SPRY4: variants seen among roughly 807,000 people sequenced by gnomAD.
SPRY4 encodes protein sprouty homolog 4.
Under a neutral mutation model 17.0 loss-of-function variants are expected in SPRY4, and 7 were observed. The ratio of observed to expected loss-of-function variants is 0.41; its 90% CI spans 0.23 to 0.77. SPRY4 has a LOEUF of 0.77. Among genes scored for constraint, SPRY4 ranks in the 30% least tolerant of loss-of-function variants. The probability of loss-of-function intolerance (pLI) is 0.32; values close to 1 mark genes in which losing one functional copy is unlikely to be tolerated. For missense variants in SPRY4, 435 were observed against 419.9 expected (o/e 1.04, Z -0.31); for synonymous variants, 183 against 174.1 (o/e 1.05, Z -0.40).
rs75645175 is a variant in SPRY4 at position 142,314,166 on chromosome 5, A to G, written c.*43T>C. 2 of 1,560,644 alleles carry G rather than the reference A, an allele frequency of 1.3e-6. No homozygotes were observed. Among genetic ancestry groups the G allele is most frequent in the African/African-American group, 1.3e-5 (1 of 74,374 alleles). ...GCAGTCTTCTTAGATGTCAGAAGAG[A>G]ACCAGGTTTCCAGGCAGAGCACTGG... On this transcript the variant is annotated 3_prime_UTR_variant, in exon 2 of 2. Transcript: ENST00000434127. The surrounding 1 kb of genome is among the most constrained non-coding windows in gnomAD (Gnocchi z 4.8).
At chr5:142,319,058 G>A (rs755490344) in intron 1 of SPRY4, among the ~76,000 whole-genome samples, 2 of 152,134 alleles carry the variant, frequency 1.3e-5, no homozygotes, top group Non-Finnish European at 2.9e-5. Context: ...AGCAGGATTT[G>A]AACCAAGACA....
intron 1 of SPRY4, chr5:142,319,751 G>A (rs76855889): frequency 1.2e-6 from 2 of 1,612,650 alleles, no homozygotes; most frequent in Non-Finnish European, 1.7e-6. Flanking sequence ...TACCTGTGGG[G>A]AGGGGGCTGA....
chr5:142,318,376 C>T (rs2126995315), intron 1 of SPRY4, among the ~76,000 whole-genome samples: 1 of 151,900 alleles, frequency 6.6e-6, no homozygotes, highest in East Asian at 1.9e-4. Context: ...ATCCCAGTTA[C>T]TTGGGAGGCT....
intron 1 of SPRY4, chr5:142,317,904 A>T: frequency 1.0e-6 from 1 of 985,368 alleles, no homozygotes; most frequent in Non-Finnish European, 1.2e-6. Flanking sequence ...GCCCACGATG[A>T]CTTGGCTCTC....
At position 142,314,172 on chromosome 5, in the gene SPRY4, G is replaced by C; in HGVS notation, c.*37C>G. On this transcript the variant is annotated 3_prime_UTR_variant, in exon 2 of 2. Transcript: ENST00000434127. The surrounding 1 kb of genome is among the most constrained non-coding windows in gnomAD (Gnocchi z 4.8). ...TTCTTAGATGTCAGAAGAGAACCAG[G>C]TTTCCAGGCAGAGCACTGGGGCTTC... 1.9e-6 allele frequency: 3 copies of C among 1,567,814 alleles called. No homozygotes were observed. The highest frequency in any genetic ancestry group is 2.6e-6 in the Non-Finnish European group (3 of 1,159,258).
chr5:142,318,857 T>C (rs952758851), intron 1 of SPRY4, among the ~76,000 whole-genome samples: 1 of 152,118 alleles, frequency 6.6e-6, no homozygotes, highest in South Asian at 2.1e-4. Flanking sequence ...CTAATAATAA[T>C]AAATAATAAT....
Position 142,312,653 on chromosome 5 carries a change from T to TA in SPRY4, c.*1555dup, listed in dbSNP as rs1222935419. 6.6e-6 allele frequency: 1 copy of TA among 152,124 alleles called. No individual in the cohort carries two copies. Among genetic ancestry groups the TA allele is most frequent in the Non-Finnish European group, 1.5e-5 (1 of 68,050 alleles). 9.4% of individuals were successfully genotyped at this position (152,124 alleles called of 1,614,324 possible). ...TCTGACTCAGGCCATGCCCTCTCAT[T>TA]AGAGGGGAAAACAAAATACCACACA... On this transcript the variant is annotated 3_prime_UTR_variant, in exon 2 of 2. Transcript: ENST00000434127.
chr5:142,316,213 G>C (rs141270026), intron 1 of SPRY4, among the ~76,000 whole-genome samples: 1 of 152,228 alleles, frequency 6.6e-6, no homozygotes, highest in Non-Finnish European at 1.5e-5. Flanking sequence ...TTCACCGAGA[G>C]AGTGCAATTT....
intron 1 of SPRY4, chr5:142,319,718 C>A (rs1486268298): frequency 1.2e-6 from 2 of 1,609,018 alleles, no homozygotes; most frequent in African/African-American, 2.7e-5. Flanking sequence ...CAGAACCAGC[C>A]AGTCTGACAC....
rs1759021062 is a variant in SPRY4, at chr5:142,313,836, CGGAG to C, written c.*369_*372del. On this transcript the variant is annotated 3_prime_UTR_variant, in exon 2 of 2. Coordinates refer to ENST00000434127, the MANE Select transcript of SPRY4 (RefSeq NM_001127496.3). The stretch of plus-strand genomic sequence containing the variant: ...ATGGAAAAGAGGAAGGGGGGGGGGG[CGGAG>C]GGAGGGAGGGAGAAGGAGGGGCTGG... The C allele has an allele frequency of 3.9e-3, 140 of 35,612 alleles. No individual in the cohort carries two copies. The highest frequency in any genetic ancestry group is 6.5e-3 in the East Asian group (15 of 2,294). The allele number at this position is 35,612 out of a possible 1,614,324, so 2.2% of individuals were successfully genotyped here.
At chr5:142,322,894 T>C (rs1561654853) in intron 1 of SPRY4, among the ~76,000 whole-genome samples, 4 of 152,082 alleles carry the variant, frequency 2.6e-5, no homozygotes, top group African/African-American at 7.2e-5. Flanking sequence ...GTGAGAACCC[T>C]CCCAAGAGAT....
rs1387031122 is a variant in SPRY4 at position 142,314,978 on chromosome 5, T to A, written c.131A>T (p.Lys44Met). ...GTAGTCATTCTCCACATGGCTGGTC[T>A]TCACCTGGTCAATGGGTAGGATGGT... is the stretch of plus-strand genomic sequence containing the variant. ...PLTILPIDQV[K>M]TSHVENDYID... is the part of the protein sequence containing the mutation. Residue 44 changes from lysine (K) to methionine (M), a missense_variant, in exon 2 of 2, where the codon AAG becomes ATG. Lys to Met is a moderately conservative substitution (Grantham distance 95, BLOSUM62 -1). Coordinates refer to ENST00000434127, the MANE Select transcript of SPRY4 (RefSeq NM_001127496.3). This position sits in a 1 kb window ranked among gnomAD's most constrained non-coding sequence, Gnocchi z 4.8. 4 of 1,614,034 alleles carry A rather than the reference T, an allele frequency of 2.5e-6. No homozygotes were observed. Among genetic ancestry groups the A allele is most frequent in the Non-Finnish European group, 3.4e-6 (4 of 1,180,028 alleles).
intron 1 of SPRY4, among the ~76,000 whole-genome samples, chr5:142,316,064 G>T (rs1403289171): frequency 1.3e-5 from 2 of 152,120 alleles, no homozygotes; most frequent in African/African-American, 2.4e-5. Flanking sequence ...TAATCCCTGG[G>T]TATGTGAGCT....
At chr5:142,316,103 G>C (rs754215553) in intron 1 of SPRY4, among the ~76,000 whole-genome samples, 1 of 152,078 alleles carries the variant, frequency 6.6e-6, no homozygotes, top group Non-Finnish European at 1.5e-5. Flanking sequence ...AAATCCTCTC[G>C]AGGGGCACTC....
chr5:142,318,218 C>G lies in SPRY4; in HGVS notation c.-47-3063G>C, dbSNP rs1759225551. 6.1e-6 allele frequency: 6 copies of G among 978,208 alleles called. No individual in the cohort carries two copies. In the South Asian group the frequency reaches 2.4e-4, roughly 39 times the overall value. The allele number at this position is 978,208 out of a possible 1,614,324, so 60.6% of individuals were successfully genotyped here. ...AAAGAAAGAAGGCCTGGCGCAGTGG[C>G]TCATGCCTGTAATCTCAGCCTTTTG... On this transcript the variant is annotated intron_variant, in intron 1 of 1. Transcript: ENST00000434127.
Position 142,314,110 on chromosome 5 carries a change from G to A in SPRY4, c.*99C>T, listed in dbSNP as rs889227396. The A allele has an allele frequency of 1.1e-4, 146 of 1,331,318 alleles. No individual in the cohort carries two copies. Among genetic ancestry groups the A allele is most frequent in the Non-Finnish European group, 1.4e-4 (138 of 988,096 alleles). The allele number at this position is 1,331,318 out of a possible 1,614,324, so 82.5% of individuals were successfully genotyped here. A position where few individuals can be genotyped will look rare whatever the true frequency, so the allele number is the denominator to read the frequency against. On this transcript the variant is annotated 3_prime_UTR_variant, in exon 2 of 2. Coordinates refer to ENST00000434127, the MANE Select transcript of SPRY4 (RefSeq NM_001127496.3). This position sits in a 1 kb window ranked among gnomAD's most constrained non-coding sequence, Gnocchi z 4.8. ...GGGAGTGGGCAGACTAGCAAGGTCA[G>A]CCTCAGGAGGCTAAAACCTCTGACC...
intron 1 of SPRY4, chr5:142,315,370 G>T (rs1171562783): frequency 9.3e-6 from 5 of 537,470 alleles, no homozygotes; most frequent in Non-Finnish European, 1.7e-5. Context: ...CACTTAAGAT[G>T]GAGGTACTCT....
chr5:142,318,172 A>G (rs538844492), intron 1 of SPRY4: 1 of 985,290 alleles, frequency 1.0e-6, no homozygotes, highest in African/African-American at 1.7e-5. Context: ...TGTCTCAAAA[A>G]AAAAAAGAAA....
chr5:142,315,226 AC>A, intron 1 of SPRY4, 71 bp from the exon 2 acceptor site: 4 of 1,011,070 alleles, frequency 4.0e-6, no homozygotes, highest in Non-Finnish European at 5.7e-6. Context: ...CCAATACCTC[AC>A]CCCCCATCAG....
Sources: gnomAD v4.1 joint callset for allele counts (sites outside exome capture counted in the v4.1 genomes callset) on GRCh38, gnomAD v4.1.1 for gene constraint, Gnocchi (gnomAD v3.1) non-coding constraint, MANE v1.5 for transcripts, NCBI Gene and HGNC (gene_info 2026-07-23, HGNC 2026-07-21) for gene names.